The following SPON1 variants were observed in gnomAD, a reference collection of about 807,000 sequenced individuals.
The protein encoded by SPON1 is spondin 1.
In SPON1, 52 loss-of-function variants were observed where a neutral mutation model predicts 111.7. The observed-to-expected ratio is 0.47, with a 90% CI of 0.37 to 0.59. SPON1 has a LOEUF of 0.59. SPON1 is among the 20% of genes least tolerant of loss of function. The probability of loss-of-function intolerance (pLI) is 0.00; values close to 1 mark genes in which losing one functional copy is unlikely to be tolerated. For synonymous variants in SPON1, 410 were observed against 395.8 expected, an observed-to-expected ratio of 1.04 and a Z score of -0.43; for missense variants, 957 against 1,068.5, an observed-to-expected ratio of 0.90 and a Z score of 1.46.
intron 3 of SPON1, among the ~76,000 whole-genome samples, chr11:14,059,068 T>G (rs1312793559): frequency 6.6e-6 from 1 of 152,204 alleles, no homozygotes; most frequent in Non-Finnish European, 1.5e-5. Context: ...TTGGTGCATC[T>G]TACCCATTCC....
At chr11:14,156,734 C>A (rs1196531054) in intron 6 of SPON1, among the ~76,000 whole-genome samples, 1 of 152,012 alleles carries the variant, frequency 6.6e-6, no homozygotes, top group Non-Finnish European at 1.5e-5. Flanking sequence ...TTTCCCAGCA[C>A]CATTTATTAA....
chr11:14,081,500 T>C (rs1848961926), intron 5 of SPON1, among the ~76,000 whole-genome samples: 1 of 152,060 alleles, frequency 6.6e-6, no homozygotes, highest in Non-Finnish European at 1.5e-5. Flanking sequence ...CACATTGAGA[T>C]GTAAGTAATG....
intron 6 of SPON1, among the ~76,000 whole-genome samples, chr11:14,146,858 G>C (rs1440254228): frequency 2.0e-5 from 3 of 151,592 alleles, no homozygotes; most frequent in African/African-American, 7.3e-5. Context: ...AAAAACACTA[G>C]ATCCTTCAAT....
chr11:14,029,124 T>TAC (rs35525978), intron 2 of SPON1, among the ~76,000 whole-genome samples: 1,956 of 150,008 alleles, frequency 0.013, 42 homozygotes, highest in African/African-American at 0.04. Flanking sequence ...CAGTGACCCC[T>TAC]ACACACACAC....
intron 6 of SPON1, among the ~76,000 whole-genome samples, chr11:14,212,079 TTA>T (rs1848582317): frequency 6.6e-6 from 1 of 152,136 alleles, no homozygotes; most frequent in Non-Finnish European, 1.5e-5. Context: ...TTGAAATAGA[TTA>T]TGTCATCTAA....
chr11:14,086,104 G>T (rs1300014433), intron 5 of SPON1, among the ~76,000 whole-genome samples: 1 of 152,154 alleles, frequency 6.6e-6, no homozygotes, highest in African/African-American at 2.4e-5. Context: ...GAGACAATTT[G>T]ACCTCCTTTC....
chr11:14,099,309 T>C (rs147690333), intron 5 of SPON1, among the ~76,000 whole-genome samples: 4 of 152,388 alleles, frequency 2.6e-5, no homozygotes, highest in African/African-American at 9.6e-5. Context: ...ATAATGCTAC[T>C]GTTATGCTGT....
chr11:14,067,307 C>G (rs1190412061), intron 3 of SPON1, among the ~76,000 whole-genome samples: 3 of 152,196 alleles, frequency 2.0e-5, no homozygotes, highest in African/African-American at 7.2e-5. Flanking sequence ...TCCCACCATG[C>G]CTCTTTCCAT....
At chr11:14,063,077 C>T (rs1283364891) in intron 3 of SPON1, among the ~76,000 whole-genome samples, 2 of 152,118 alleles carry the variant, frequency 1.3e-5, no homozygotes, top group African/African-American at 4.8e-5. Flanking sequence ...TCAAGGGACA[C>T]ATTCTCTGAA....
At chr11:13,977,830 T>A (rs930859831) in intron 1 of SPON1, among the ~76,000 whole-genome samples, 5 of 152,234 alleles carry the variant, frequency 3.3e-5, no homozygotes, top group African/African-American at 1.2e-4. Flanking sequence ...GTACAATCTA[T>A]GTGGAATTTA....
chr11:14,140,699 T>C (rs61883790), intron 6 of SPON1, among the ~76,000 whole-genome samples: 2,083 of 152,230 alleles, frequency 0.014, 27 homozygotes, highest in Non-Finnish European at 0.02. Context: ...TTGGCCTCAG[T>C]AGTTTTTTTT....
intron 2 of SPON1, among the ~76,000 whole-genome samples, chr11:13,993,412 T>C (rs1554911433): frequency 6.6e-6 from 1 of 151,948 alleles, no homozygotes; most frequent in African/African-American, 2.4e-5. Context: ...AGGGACTCAA[T>C]TGCCTGTACA....
Position 14,265,565 on chromosome 11 carries a change from A to G in SPON1, c.2302A>G (p.Lys768Glu). 4.3e-6 allele frequency: 7 copies of G among 1,613,776 alleles called. No individual in the cohort carries two copies. The highest frequency in any genetic ancestry group is 5.9e-6 in the Non-Finnish European group (7 of 1,179,820). Residue 768 changes from lysine to glutamate, a missense_variant, in exon 16 of 16, where the codon AAA (lysine) becomes GAA (glutamate). Physicochemically the swap from Lys to Glu is moderately conservative, Grantham distance 56. Transcript: ENST00000576479. The part of the protein sequence containing the change: ...RPWTAWSECT[K>E]LCGGGIQERY... ...ATGGACGGCCTGGTCAGAATGCACC[A>G]AACTGTGCGGAGGTGGAATTCAGGA...
rs781783467 is a variant in SPON1, at chr11:14,135,255, T to G, written c.677-165T>G. 6.6e-5 allele frequency among the ~76,000 whole-genome samples: 10 copies of G among 152,238 alleles called. No homozygotes were observed. The highest frequency in any genetic ancestry group is 1.3e-4 in the Non-Finnish European group (9 of 68,036). The stretch of plus-strand genomic sequence containing the variant: ...TACATTCCCAAGACCTATTTGCTTA[T>G]AGGAACTCAGTCTTATCACTGAATG... On this transcript the variant is annotated intron_variant, in intron 5 of 15. Transcript: ENST00000576479. The surrounding 1 kb of genome is among the most constrained non-coding windows in gnomAD (Gnocchi z 4.4).
intron 3 of SPON1, among the ~76,000 whole-genome samples, chr11:14,057,916 C>T (rs1345104495): frequency 6.6e-6 from 1 of 151,472 alleles, no homozygotes; most frequent in Non-Finnish European, 1.5e-5. Context: ...ACTAAGGAGG[C>T]TGAGGTAAGA....
intron 15 of SPON1, among the ~76,000 whole-genome samples, chr11:14,265,002 G>T (rs1287350288): frequency 6.6e-6 from 1 of 152,192 alleles, no homozygotes; most frequent in Non-Finnish European, 1.5e-5. Flanking sequence ...CACTTAGCAA[G>T]ATTCTGTGGA....
At chr11:13,981,624 C>A (rs1322104650) in intron 1 of SPON1, among the ~76,000 whole-genome samples, 1 of 152,212 alleles carries the variant, frequency 6.6e-6, no homozygotes, top group Non-Finnish European at 1.5e-5. Context: ...CCGTGCCCGG[C>A]CGAGCTAGAT....
Position 14,151,262 on chromosome 11 carries a change from T to C in SPON1, c.825+15694T>C, listed in dbSNP as rs149660543. 2.3e-3 allele frequency among the ~76,000 whole-genome samples: 354 copies of C among 152,292 alleles called. 1 individual carries two copies. Among genetic ancestry groups the C allele is most frequent in the African/African-American group, 8.2e-3 (342 of 41,554 alleles). On this transcript the variant is annotated intron_variant, in intron 6 of 15. Transcript: ENST00000576479. Reference sequence around the variant, plus strand: ...CAAGCAAACAAGTTCTTGTAGCCCATAGAAGATGTCCTCCATAGAAACCAA... The same window carrying C: ...CAAGCAAACAAGTTCTTGTAGCCCACAGAAGATGTCCTCCATAGAAACCAA...
chr11:14,074,838 A>G (rs1225154314), intron 3 of SPON1, among the ~76,000 whole-genome samples: 1 of 152,256 alleles, frequency 6.6e-6, no homozygotes, highest in Non-Finnish European at 1.5e-5. Flanking sequence ...TTCAGAATGT[A>G]GGAGACAGTT....
Sources: allele counts gnomAD v4.1 joint callset (sites outside exome capture counted in the v4.1 genomes callset), GRCh38; gene constraint gnomAD v4.1.1; non-coding constraint Gnocchi (gnomAD v3.1); transcripts MANE v1.5; gene names NCBI Gene and HGNC (gene_info 2026-07-23, HGNC 2026-07-21).